WHRN: variants seen among roughly 807,000 people sequenced by gnomAD.
WHRN encodes whirlin.
In WHRN, 41 loss-of-function variants were observed where a neutral mutation model predicts 68.3. The observed-to-expected ratio is 0.60, with a 90% confidence interval of 0.47 to 0.78. The LOEUF (loss-of-function observed/expected upper bound fraction) is 0.78. WHRN is among the 30% of genes least tolerant of loss of function. The pLI is 0.00. For missense variants in WHRN, 1,243 were observed against 1,244.7 expected (o/e 1.00, Z 0.02); for synonymous variants, 560 against 561.3 (o/e 1.00, Z 0.03).
intron 7 of WHRN, among the ~76,000 whole-genome samples, chr9:114,411,536 C>T (rs955930813): frequency 8.5e-5 from 13 of 152,152 alleles, no homozygotes; most frequent in African/African-American, 2.7e-4. Flanking sequence ...CCTGCTCTGG[C>T]GCATCAGGGG....
intron 7 of WHRN, among the ~76,000 whole-genome samples, chr9:114,415,367 C>T (rs1835742666): frequency 6.6e-6 from 1 of 152,048 alleles, no homozygotes; most frequent in Admixed American, 6.5e-5. Context: ...CAAACGCCTC[C>T]CGCTCCTGAC....
At position 114,406,906 on chromosome 9, in the gene WHRN, C is replaced by G. The variant is rs746633124; in HGVS notation, c.1699-14G>C. The G allele has an allele frequency of 1.2e-5, 18 of 1,560,694 alleles. No individual in the cohort carries two copies. The highest frequency in any genetic ancestry group is 3.3e-4 in the Middle Eastern group (2 of 6,030). Reference sequence around the variant, plus strand: ...TCTGACATCATCCTGCCAAAAGACCCAACAGGCGGAGAAGGAGTCAGACCC... The same window carrying G: ...TCTGACATCATCCTGCCAAAAGACCGAACAGGCGGAGAAGGAGTCAGACCC... On this transcript the variant is annotated splice_polypyrimidine_tract_variant and intron_variant, in intron 8 of 11. Transcript: ENST00000362057.
intron 1 of WHRN, among the ~76,000 whole-genome samples, chr9:114,493,209 G>A (rs567042682): frequency 3.4e-4 from 51 of 151,706 alleles, no homozygotes; most frequent in Non-Finnish European, 6.9e-4. Flanking sequence ...CAATTAGCCA[G>A]GTGTGGTGGT....
chr9:114,434,118 C>A lies in WHRN; in HGVS notation c.964-7705G>T, dbSNP rs1254610835. 2.4e-5 allele frequency among the ~76,000 whole-genome samples: 3 copies of A among 124,870 alleles called. No homozygotes were observed. In the East Asian group the frequency reaches 7.3e-4, roughly 30 times the overall value. 81.9% of individuals were successfully genotyped at this position (124,870 alleles called of 152,430 possible). ...AAACAGAGAAATTACAGAGGTCAAA[C>A]ACAGAAAGAATAACAATTACCAACC... On this transcript the variant is annotated intron_variant, in intron 3 of 11. Transcript: ENST00000362057.
chr9:114,475,987 C>T (rs568321430), intron 2 of WHRN, among the ~76,000 whole-genome samples: 2 of 152,220 alleles, frequency 1.3e-5, no homozygotes, highest in South Asian at 4.1e-4. Context: ...ATTCTTGAGA[C>T]AGGAGCTCAC....
At chr9:114,407,027 T>A in intron 8 of WHRN, 135 bp from the exon 9 acceptor site, 1 of 1,004,890 alleles carries the variant, frequency 1.0e-6, no homozygotes, top group Non-Finnish European at 1.5e-6. Flanking sequence ...CACACTGCTC[T>A]GAATAATGCA....
At chr9:114,452,392 C>T (rs1053518242) in intron 3 of WHRN, among the ~76,000 whole-genome samples, 18 of 152,192 alleles carry the variant, frequency 1.2e-4, no homozygotes, top group African/African-American at 3.1e-4. Context: ...GTTTCCATCA[C>T]GCAAATTCAG....
chr9:114,431,301 C>A (rs1837402367), intron 3 of WHRN, among the ~76,000 whole-genome samples: 1 of 152,216 alleles, frequency 6.6e-6, no homozygotes, highest in African/African-American at 2.4e-5. Flanking sequence ...TCAAATGGAA[C>A]CACCCTGCAC....
At chr9:114,424,857 G>T in intron 5 of WHRN, 131 bp downstream of exon 5, 1 of 1,028,982 alleles carries the variant, frequency 9.7e-7, no homozygotes. Context: ...AGTGGGCTGG[G>T]GGGTGGGCAG....
In WHRN at chr9:114,418,583, CTCAGAG is replaced by C. The variant is rs574596538; in HGVS notation, c.1626+4725_1626+4730del. On this transcript the variant is annotated intron_variant, in intron 7 of 11. Coordinates refer to ENST00000362057, the MANE Select transcript of WHRN (RefSeq NM_015404.4). ...TTACCTGCCAAGGACTCCCATCTCA[CTCAGAG>C]TCAAAGTCCTCAGCATGTCTGCCCC... Among the ~76,000 whole-genome samples the C allele has an allele frequency of 1.1e-3, 171 of 152,370 alleles. 1 individual carries two copies. Among genetic ancestry groups the C allele is most frequent in the African/African-American group, 3.9e-3 (161 of 41,586 alleles).
At chr9:114,435,123 C>CG (rs1837739343) in intron 3 of WHRN, among the ~76,000 whole-genome samples, 1 of 152,176 alleles carries the variant, frequency 6.6e-6, no homozygotes. Flanking sequence ...GCAGATATCA[C>CG]TAATCCCCCT....
At chr9:114,487,502 T>C (rs1298300443) in intron 1 of WHRN, among the ~76,000 whole-genome samples, 1 of 152,182 alleles carries the variant, frequency 6.6e-6, no homozygotes, top group Non-Finnish European at 1.5e-5. Flanking sequence ...TCCATCCCAT[T>C]CCCTGGAAGG....
chr9:114,498,689 G>C (rs1351943042), intron 1 of WHRN, among the ~76,000 whole-genome samples: 1 of 152,186 alleles, frequency 6.6e-6, no homozygotes, highest in Non-Finnish European at 1.5e-5. Context: ...TGTGACATCT[G>C]CCACACTTTC....
chr9:114,478,455 C>G lies in WHRN; in HGVS notation c.837+98G>C, dbSNP rs760207853. Reference sequence around the variant, plus strand: ...AGGGAAGACAGAGCCTGGACAGAACCAGCCTCTTCTTGCGGCCTCCAAGCA... The same window carrying G: ...AGGGAAGACAGAGCCTGGACAGAACGAGCCTCTTCTTGCGGCCTCCAAGCA... On this transcript the variant is annotated intron_variant, in intron 2 of 11. Transcript: ENST00000362057. 18 of 1,339,128 alleles carry G rather than the reference C, an allele frequency of 1.3e-5. No homozygotes were observed. The African/African-American group carries it at 1.9e-4, about 14-fold the overall frequency. 83.0% of individuals were successfully genotyped at this position (1,339,128 alleles called of 1,614,324 possible).
chr9:114,465,208 G>A (rs970156678), intron 3 of WHRN, among the ~76,000 whole-genome samples: 2 of 152,214 alleles, frequency 1.3e-5, no homozygotes, highest in East Asian at 1.9e-4. Flanking sequence ...CAGCCTGTCT[G>A]CCATGATGTG....
chr9:114,454,869 G>C (rs1378344066), intron 3 of WHRN, among the ~76,000 whole-genome samples: 1 of 152,154 alleles, frequency 6.6e-6, no homozygotes, highest in Non-Finnish European at 1.5e-5. Flanking sequence ...TGGGTGCGTA[G>C]ATCAGTGGAA....
chr9:114,448,558 A>T (rs1839038560), intron 3 of WHRN, among the ~76,000 whole-genome samples: 1 of 152,124 alleles, frequency 6.6e-6, no homozygotes. Flanking sequence ...CAGCTGAGGG[A>T]TACTCTGTGC....
rs1178589866 is a variant in WHRN, at chr9:114,466,409, A to G, written c.838-17T>C. The G allele has an allele frequency of 1.9e-6, 3 of 1,613,746 alleles. No individual in the cohort carries two copies. The highest frequency in any genetic ancestry group is 1.7e-5 in the Admixed American group (1 of 60,016). On this transcript the variant is annotated splice_polypyrimidine_tract_variant and intron_variant, in intron 2 of 11. Transcript: ENST00000362057. ...CAGGTTCACCTGTCAGAGGGAGAGG[A>G]TAACATTAGAGGGACTGGAGGAGCC...
chr9:114,470,683 C>T (rs113064467), intron 2 of WHRN, among the ~76,000 whole-genome samples: 2 of 152,200 alleles, frequency 1.3e-5, no homozygotes, highest in African/African-American at 4.8e-5. Context: ...TGCCTTGATC[C>T]CCATTCCTGC....
Sources: gnomAD v4.1 joint callset for allele counts (sites outside exome capture counted in the v4.1 genomes callset) on GRCh38, gnomAD v4.1.1 for gene constraint, MANE v1.5 for transcripts, NCBI Gene and HGNC (gene_info 2026-07-23, HGNC 2026-07-21) for gene names.